Variants in PDE4D observed in about 807,000 individuals in gnomAD.
PDE4D encodes the protein 3',5'-cyclic-AMP phosphodiesterase 4D.
Under a neutral mutation model 87.4 loss-of-function variants are expected in PDE4D, and 24 were observed. The observed-to-expected ratio is 0.27, with a 90% CI of 0.20 to 0.39. PDE4D has a LOEUF of 0.39. Ranked by LOEUF, PDE4D falls within the 10% of genes least tolerant of loss-of-function variation. PDE4D has a pLI of 1.00. For missense variants in PDE4D, 714 were observed against 1,041.0 expected (o/e 0.69, Z 4.32); for synonymous variants, 384 against 383.2 (o/e 1.00, Z -0.02).
intron 1 of PDE4D, among the ~76,000 whole-genome samples, chr5:60,222,343 A>T (rs1010706970): frequency 1.4e-4 from 22 of 152,096 alleles, no homozygotes; most frequent in Admixed American, 1.2e-3. Flanking sequence ...GGGACTGGAG[A>T]CCTGGCCAAC....
rs374388152 is a variant in PDE4D at position 59,762,732 on chromosome 5, A to G, written c.455+130436T>C. Among the ~76,000 whole-genome samples the G allele has an allele frequency of 5.4e-5, 8 of 147,184 alleles. No homozygotes were observed. The South Asian group carries it at 8.4e-4, about 15-fold the overall frequency. Reference sequence around the variant, plus strand: ...TATGTATATAGGTTCATATAGGTATATATAATATATGTATATAGGTACATA... The same window carrying G: ...TATGTATATAGGTTCATATAGGTATGTATAATATATGTATATAGGTACATA... On this transcript the variant is annotated intron_variant, in intron 1 of 14. Transcript: ENST00000340635.
intron 1 of PDE4D, among the ~76,000 whole-genome samples, chr5:59,304,916 G>A (rs983167088): frequency 5.9e-5 from 9 of 152,102 alleles, no homozygotes; most frequent in Middle Eastern, 3.2e-3. Flanking sequence ...TTCATAGAAC[G>A]AATTAGGGAA....
intron 2 of PDE4D, among the ~76,000 whole-genome samples, chr5:60,088,979 A>G (rs994377715): frequency 6.6e-6 from 1 of 152,058 alleles, no homozygotes; most frequent in Non-Finnish European, 1.5e-5. Context: ...TTAAAAAGAT[A>G]TTAGAAGCAA....
chr5:59,763,220 T>G (rs930362309), intron 1 of PDE4D, among the ~76,000 whole-genome samples: 14 of 151,968 alleles, frequency 9.2e-5, no homozygotes, highest in Non-Finnish European at 1.5e-4. Flanking sequence ...ATATACCTAA[T>G]GCTAAATGAC....
chr5:59,253,357 C>T (rs1193582720), intron 1 of PDE4D, among the ~76,000 whole-genome samples: 1 of 152,072 alleles, frequency 6.6e-6, no homozygotes, highest in Non-Finnish European at 1.5e-5. Context: ...TGACTTCTCT[C>T]TAGTTAAAAT....
At chr5:60,079,557 G>T (rs995188273) in intron 2 of PDE4D, among the ~76,000 whole-genome samples, 2 of 152,170 alleles carry the variant, frequency 1.3e-5, no homozygotes, top group Non-Finnish European at 2.9e-5. Flanking sequence ...TTTGTATAAG[G>T]TATAAAGAAG....
chr5:60,430,534 T>TG (rs1311054555), intron 1 of PDE4D, among the ~76,000 whole-genome samples: 9 of 116,392 alleles, frequency 7.7e-5, no homozygotes, highest in African/African-American at 3.0e-4. Context: ...GTTTGTGTTT[T>TG]GTTTTTTTTT....
At chr5:60,458,237 A>T (rs1746629396) in intron 1 of PDE4D, among the ~76,000 whole-genome samples, 1 of 152,070 alleles carries the variant, frequency 6.6e-6, no homozygotes, top group Non-Finnish European at 1.5e-5. Context: ...GTACAAAAAA[A>T]TTAGCTGGGC....
intron 1 of PDE4D, among the ~76,000 whole-genome samples, chr5:59,881,914 G>C (rs1243689824): frequency 6.6e-6 from 1 of 152,182 alleles, no homozygotes; most frequent in African/African-American, 2.4e-5. Context: ...GTATGAGTAG[G>C]TGTTATAAAA....
At chr5:59,383,226 A>G (rs1359065933) in intron 1 of PDE4D, among the ~76,000 whole-genome samples, 1 of 152,118 alleles carries the variant, frequency 6.6e-6, no homozygotes, top group African/African-American at 2.4e-5. Flanking sequence ...TACATCCCAT[A>G]TATTCACATG....
At chr5:60,066,040 T>G (rs372908799) in intron 2 of PDE4D, among the ~76,000 whole-genome samples, 1 of 152,260 alleles carries the variant, frequency 6.6e-6, no homozygotes, top group African/African-American at 2.4e-5. Flanking sequence ...AACTAGTTTA[T>G]AGTCCCACCA....
At chr5:58,984,550 A>G (rs1441146883) in intron 11 of PDE4D, among the ~76,000 whole-genome samples, 1 of 152,246 alleles carries the variant, frequency 6.6e-6, no homozygotes, top group Non-Finnish European at 1.5e-5. Flanking sequence ...ATACAGAAAA[A>G]TAAAATTCTA....
chr5:59,431,083 CG>C (rs1181942141), intron 1 of PDE4D, among the ~76,000 whole-genome samples: 1 of 152,142 alleles, frequency 6.6e-6, no homozygotes, highest in African/African-American at 2.4e-5. Context: ...TTCACTAAAA[CG>C]TTGATGATGA....
At chr5:59,101,377 AG>A (rs1423876602) in intron 5 of PDE4D, among the ~76,000 whole-genome samples, 1 of 152,126 alleles carries the variant, frequency 6.6e-6, no homozygotes, top group Non-Finnish European at 1.5e-5. Context: ...TACCAAGAGG[AG>A]GGGTAGCTTT....
At chr5:60,257,542 C>G (rs766259405) in intron 1 of PDE4D, among the ~76,000 whole-genome samples, 1 of 151,948 alleles carries the variant, frequency 6.6e-6, no homozygotes, top group East Asian at 1.9e-4. Flanking sequence ...TATGATGTAT[C>G]TGAAGGCATT....
intron 2 of PDE4D, among the ~76,000 whole-genome samples, chr5:60,054,076 C>T (rs1770509817): frequency 6.6e-6 from 1 of 152,162 alleles, no homozygotes; most frequent in Admixed American, 6.5e-5. Flanking sequence ...AATGCTTTTA[C>T]ACTGTTGGTG....
chr5:59,866,288 T>C (rs1401299498), intron 1 of PDE4D, among the ~76,000 whole-genome samples: 1 of 152,214 alleles, frequency 6.6e-6, no homozygotes, highest in Non-Finnish European at 1.5e-5. Flanking sequence ...ATTTCTACAA[T>C]ATTTTCACCT....
chr5:59,647,044 CA>C (rs957269193), intron 1 of PDE4D, among the ~76,000 whole-genome samples: 1 of 151,046 alleles, frequency 6.6e-6, no homozygotes, highest in Admixed American at 6.6e-5. Flanking sequence ...CAAACAAAAA[CA>C]AAAAAAAATT....
chr5:59,730,708 A>G (rs574763420), intron 1 of PDE4D, among the ~76,000 whole-genome samples: 34 of 152,252 alleles, frequency 2.2e-4, no homozygotes, highest in African/African-American at 7.9e-4. Flanking sequence ...TTGATATCAC[A>G]GAATCACTTT....
Sources: allele counts gnomAD v4.1 joint callset (sites outside exome capture counted in the v4.1 genomes callset), GRCh38; gene constraint gnomAD v4.1.1; transcripts MANE v1.5; gene names NCBI Gene and HGNC (gene_info 2026-07-23, HGNC 2026-07-21).